The following RBFOX1 variants were observed in gnomAD, a reference collection of about 807,000 sequenced individuals.
RBFOX1 encodes the protein RNA binding fox-1 homolog 1.
In RBFOX1, 8 loss-of-function variants were observed where a neutral mutation model predicts 57.7. The observed-to-expected ratio is 0.14, with a 90% CI of 0.08 to 0.25. RBFOX1 has a LOEUF of 0.25. Ranked by LOEUF, RBFOX1 falls within the 10% of genes least tolerant of loss-of-function variation. The pLI is 1.00. For missense variants in RBFOX1, 611 were observed against 548.5 expected (o/e 1.11, Z -1.14); for synonymous variants, 326 against 222.4 (o/e 1.47, Z -4.15).
intron 3 of RBFOX1, among the ~76,000 whole-genome samples, chr16:6,904,888 T>C (rs1427375469): frequency 6.6e-6 from 1 of 152,138 alleles, no homozygotes; most frequent in Non-Finnish European, 1.5e-5. Context: ...TACACTTTTC[T>C]ACAAATTCCC....
intron 2 of RBFOX1, among the ~76,000 whole-genome samples, chr16:6,602,829 G>C (rs975600324): frequency 6.6e-6 from 1 of 152,154 alleles, no homozygotes; most frequent in African/African-American, 2.4e-5. Flanking sequence ...GACAACTGGA[G>C]CTCATGCCCC....
At chr16:6,461,318 A>G (rs1414548039) in intron 2 of RBFOX1, among the ~76,000 whole-genome samples, 1 of 152,188 alleles carries the variant, frequency 6.6e-6, no homozygotes, top group Non-Finnish European at 1.5e-5. Context: ...GCCTACCCTT[A>G]TGGATTCCTT....
chr16:7,554,903 AT>A (rs1278559335), intron 5 of RBFOX1, among the ~76,000 whole-genome samples: 1 of 152,208 alleles, frequency 6.6e-6, no homozygotes, highest in Middle Eastern at 3.2e-3. Flanking sequence ...AGTAACATAA[AT>A]CCAAGGTGTT....
intron 1 of RBFOX1, among the ~76,000 whole-genome samples, chr16:6,145,073 G>C (rs1372836840): frequency 2.0e-5 from 3 of 152,104 alleles, no homozygotes; most frequent in East Asian, 1.9e-4. Context: ...CACAAGTGCA[G>C]GTTTGTTACA....
chr16:7,709,507 G>GC, intron 15 of RBFOX1: 1 of 1,520,320 alleles, frequency 6.6e-7, no homozygotes, highest in Non-Finnish European at 8.8e-7. Flanking sequence ...CAAGGTTCCA[G>GC]CCCCAGCACA....
At chr16:6,820,436 C>G (rs938900932) in intron 3 of RBFOX1, among the ~76,000 whole-genome samples, 5 of 152,048 alleles carry the variant, frequency 3.3e-5, no homozygotes, top group African/African-American at 1.2e-4. Flanking sequence ...GAGGAAAAAT[C>G]AGTTGAGGCC....
intron 3 of RBFOX1, among the ~76,000 whole-genome samples, chr16:5,721,682 C>G (rs2051941141): frequency 6.6e-6 from 1 of 152,142 alleles, no homozygotes; most frequent in African/African-American, 2.4e-5. Flanking sequence ...TGAAAGGTTG[C>G]TAGGTTTTGC....
chr16:7,275,101 C>G (rs2095415188), intron 4 of RBFOX1, among the ~76,000 whole-genome samples: 1 of 152,044 alleles, frequency 6.6e-6, no homozygotes, highest in African/African-American at 2.4e-5. Flanking sequence ...TCCTTCTTGT[C>G]CATCTGTCTC....
At chr16:5,972,244 C>T (rs1392434532) in intron 4 of RBFOX1, among the ~76,000 whole-genome samples, 1 of 151,626 alleles carries the variant, frequency 6.6e-6, no homozygotes, top group Non-Finnish European at 1.5e-5. Flanking sequence ...CTGTTCTGAT[C>T]CTCTGGAGAA....
At chr16:6,807,575 T>G (rs1323192060) in intron 3 of RBFOX1, among the ~76,000 whole-genome samples, 2 of 152,044 alleles carry the variant, frequency 1.3e-5, no homozygotes, top group Non-Finnish European at 2.9e-5. Context: ...CCCAGCACTT[T>G]GGGAGCCTGA....
At chr16:5,474,551 G>C (rs1246824999) in intron 2 of RBFOX1, among the ~76,000 whole-genome samples, 4 of 152,168 alleles carry the variant, frequency 2.6e-5, no homozygotes, top group Non-Finnish European at 1.5e-5. Context: ...CTATTTGGGA[G>C]GCTGAGGCAG....
intron 3 of RBFOX1, among the ~76,000 whole-genome samples, chr16:5,826,131 T>TATTCCTTAATATAAATAAGGAATAA (rs1567592516): frequency 1.2e-5 from 1 of 86,004 alleles, no homozygotes; most frequent in Admixed American, 1.2e-4. Flanking sequence ...ATAAGGAATA[T>TATTCCTTAATATAAATAAGGAATAA]TATTCCTTAT....
intron 3 of RBFOX1, among the ~76,000 whole-genome samples, chr16:7,034,939 C>T (rs1222851408): frequency 2.8e-5 from 4 of 143,602 alleles, no homozygotes; most frequent in African/African-American, 1.0e-4. Flanking sequence ...ACCTCTGCCT[C>T]CCCGGTTCTA....
intron 3 of RBFOX1, among the ~76,000 whole-genome samples, chr16:5,820,803 C>A (rs750592630): frequency 2.6e-5 from 4 of 152,184 alleles, no homozygotes; most frequent in Admixed American, 6.5e-5. Flanking sequence ...TTAGACAAGC[C>A]AGTCTAGATC....
chr16:5,613,884 T>A (rs914632078), intron 3 of RBFOX1, among the ~76,000 whole-genome samples: 3 of 151,832 alleles, frequency 2.0e-5, no homozygotes, highest in African/African-American at 7.3e-5. Flanking sequence ...CTTCTCTGAC[T>A]CCTTCATCTC....
intron 3 of RBFOX1, among the ~76,000 whole-genome samples, chr16:6,899,157 G>A (rs12443950): frequency 0.53 from 80,945 of 151,652 alleles, 23,688 homozygotes; most frequent in African/African-American, 0.79. Flanking sequence ...ACACGTGTAT[G>A]TAACATGTGT....
intron 3 of RBFOX1, among the ~76,000 whole-genome samples, chr16:5,780,491 T>C (rs868165578): frequency 7.2e-5 from 11 of 152,178 alleles, no homozygotes; most frequent in South Asian, 2.1e-4. Context: ...AATCATAATA[T>C]CACGTTGTAT....
At chr16:6,067,415 AAAAT>A (rs1308590611) in intron 1 of RBFOX1, among the ~76,000 whole-genome samples, 1 of 152,196 alleles carries the variant, frequency 6.6e-6, no homozygotes, top group East Asian at 1.9e-4. Flanking sequence ...AAACACCCTG[AAAAT>A]ACAAGCGAAT....
chr16:7,283,887 C>T (rs1035140272), intron 4 of RBFOX1, among the ~76,000 whole-genome samples: 35 of 152,126 alleles, frequency 2.3e-4, no homozygotes, highest in African/African-American at 7.0e-4. Context: ...CACCAGCGTC[C>T]GCATGATTTG....
Sources: allele counts gnomAD v4.1 joint callset (sites outside exome capture counted in the v4.1 genomes callset), GRCh38; gene constraint gnomAD v4.1.1; transcripts MANE v1.5; gene names NCBI Gene and HGNC (gene_info 2026-07-23, HGNC 2026-07-21).